Variants in SPATA17 observed in about 807,000 individuals in gnomAD.
SPATA17 encodes the protein spermatogenesis-associated protein 17.
SPATA17 carries 53 observed loss-of-function variants against 62.2 expected under a neutral mutation model. That is an observed-to-expected ratio of 0.85 (90% CI 0.68 to 1.07). The LOEUF (loss-of-function observed/expected upper bound fraction) is 1.07, where lower values mean the gene tolerates loss of function less well. SPATA17 is among the 50% of genes least tolerant of loss of function. The pLI is 0.00. For missense variants in SPATA17, 466 were observed against 425.5 expected (o/e 1.10, Z -0.84); for synonymous variants, 146 against 146.8 (o/e 0.99, Z 0.04).
At chr1:217,829,627 CAAAAAAAAAAAAAA>C (rs397982930) in intron 9 of SPATA17, among the ~76,000 whole-genome samples, 13 of 46,756 alleles carry the variant, frequency 2.8e-4, no homozygotes, top group Admixed American at 1.5e-3. Context: ...GACTCCATCT[CAAAAAAAAAAAAAA>C]AAAAAAAAAA....
chr1:217,782,108 T>C (rs1673740559), intron 7 of SPATA17, 66 bp from the exon 8 acceptor site: 1 of 1,449,290 alleles, frequency 6.9e-7, no homozygotes, highest in Admixed American at 2.5e-5. Flanking sequence ...TTCACTAGCC[T>C]TGGTCATCAG....
At chr1:217,808,308 G>A (rs1356848705) in intron 9 of SPATA17, among the ~76,000 whole-genome samples, 1 of 151,684 alleles carries the variant, frequency 6.6e-6, no homozygotes, top group African/African-American at 2.4e-5. Context: ...GTATTTCAGA[G>A]AGGAATATTT....
At chr1:217,704,501 C>T (rs1320948980) in intron 5 of SPATA17, among the ~76,000 whole-genome samples, 1 of 151,592 alleles carries the variant, frequency 6.6e-6, no homozygotes, top group African/African-American at 2.4e-5. Flanking sequence ...CCACCCGCCT[C>T]GGCCTCCCAA....
At chr1:217,720,626 CTAAA>C (rs1672103526) in intron 5 of SPATA17, among the ~76,000 whole-genome samples, 2 of 151,988 alleles carry the variant, frequency 1.3e-5, no homozygotes, top group South Asian at 4.2e-4. Context: ...GGCCTTGTCT[CTAAA>C]TAAATAAACA....
chr1:217,820,719 G>T (rs954043591), intron 9 of SPATA17, among the ~76,000 whole-genome samples: 16 of 151,950 alleles, frequency 1.1e-4, no homozygotes, highest in Admixed American at 7.2e-4. Context: ...GAGGTGCATT[G>T]CTTGGAACAA....
At chr1:217,758,997 G>A (rs1191097143) in intron 6 of SPATA17, among the ~76,000 whole-genome samples, 1 of 152,116 alleles carries the variant, frequency 6.6e-6, no homozygotes, top group Non-Finnish European at 1.5e-5. Context: ...CTATAATATT[G>A]GGATGGGTTG....
intron 6 of SPATA17, among the ~76,000 whole-genome samples, chr1:217,772,885 G>A (rs1297875929): frequency 6.6e-6 from 1 of 152,306 alleles, no homozygotes; most frequent in East Asian, 1.9e-4. Flanking sequence ...CCATAGTAAG[G>A]AAGCATTTGG....
intron 1 of SPATA17, among the ~76,000 whole-genome samples, chr1:217,643,000 T>C (rs961142999): frequency 6.6e-6 from 1 of 152,206 alleles, no homozygotes; most frequent in Non-Finnish European, 1.5e-5. Flanking sequence ...GCTATTATGT[T>C]GCTGCTCTCT....
At chr1:217,823,906 A>G in intron 9 of SPATA17, among the ~76,000 whole-genome samples, 1 of 151,992 alleles carries the variant, frequency 6.6e-6, no homozygotes, top group Non-Finnish European at 1.5e-5. Flanking sequence ...TTTATCTGAT[A>G]CAAGTATCAA....
chr1:217,842,623 G>T (rs1337698810), intron 9 of SPATA17, among the ~76,000 whole-genome samples: 1 of 151,834 alleles, frequency 6.6e-6, no homozygotes, highest in Non-Finnish European at 1.5e-5. Context: ...AGCATATGCA[G>T]TGATGTCACC....
chr1:217,666,602 C>T (rs946939962), intron 3 of SPATA17, among the ~76,000 whole-genome samples: 1 of 151,780 alleles, frequency 6.6e-6, no homozygotes, highest in African/African-American at 2.4e-5. Flanking sequence ...TCATTTTTAA[C>T]TGTATTATTC....
chr1:217,759,108 A>G (rs1368672294), intron 6 of SPATA17, among the ~76,000 whole-genome samples: 2 of 152,242 alleles, frequency 1.3e-5, no homozygotes, highest in Non-Finnish European at 2.9e-5. Flanking sequence ...GGGAATAACC[A>G]GCAAGTCAGT....
At chr1:217,636,131 C>A (rs1373941931) in intron 1 of SPATA17, among the ~76,000 whole-genome samples, 436 of 101,614 alleles carry the variant, frequency 4.3e-3, no homozygotes, top group Middle Eastern at 0.012. Context: ...GACTCCGTCT[C>A]AAAAAAAAAA....
chr1:217,780,862 C>T (rs371594452), intron 7 of SPATA17, among the ~76,000 whole-genome samples: 3 of 151,770 alleles, frequency 2.0e-5, no homozygotes, highest in Admixed American at 6.6e-5. Flanking sequence ...TGATGAACAT[C>T]GGCATAGAGA....
intron 8 of SPATA17, among the ~76,000 whole-genome samples, chr1:217,785,327 G>A (rs929629034): frequency 1.3e-5 from 2 of 152,104 alleles, no homozygotes; most frequent in South Asian, 2.1e-4. Context: ...ATGAAGAAAA[G>A]CGGTTTAATT....
chr1:217,731,743 A>C (rs1672406094), intron 5 of SPATA17, among the ~76,000 whole-genome samples: 1 of 152,190 alleles, frequency 6.6e-6, no homozygotes, highest in Non-Finnish European at 1.5e-5. Context: ...CCCAAAATGA[A>C]CACTTGAATC....
chr1:217,848,891 T>C (rs925657739), intron 9 of SPATA17, among the ~76,000 whole-genome samples: 1 of 152,112 alleles, frequency 6.6e-6, no homozygotes, highest in African/African-American at 2.4e-5. Flanking sequence ...TATTGTCCTT[T>C]TGTTTTACTT....
chr1:217,708,402 A>C (rs1267907853), intron 5 of SPATA17, among the ~76,000 whole-genome samples: 2 of 152,144 alleles, frequency 1.3e-5, no homozygotes, highest in Admixed American at 6.5e-5. Context: ...AAATACAGAA[A>C]ACCCAGAGAC....
At chr1:217,711,043 A>T (rs141738204) in intron 5 of SPATA17, among the ~76,000 whole-genome samples, 3 of 152,336 alleles carry the variant, frequency 2.0e-5, no homozygotes, top group Non-Finnish European at 4.4e-5. Context: ...AATAAACCAC[A>T]TATTTATACC....
Sources: allele counts gnomAD v4.1 joint callset (sites outside exome capture counted in the v4.1 genomes callset), GRCh38; gene constraint gnomAD v4.1.1; transcripts MANE v1.5; gene names NCBI Gene and HGNC (gene_info 2026-07-23, HGNC 2026-07-21).